The following TMOD2 variants were observed in gnomAD, a reference collection of about 807,000 sequenced individuals.
The protein encoded by TMOD2 is tropomodulin-2.
In TMOD2, 22 loss-of-function variants were observed where a neutral mutation model predicts 39.9. The ratio of observed to expected loss-of-function variants is 0.55; its 90% CI spans 0.39 to 0.79. TMOD2 has a LOEUF of 0.79. TMOD2 is among the 30% of genes least tolerant of loss of function. The pLI, the probability that TMOD2 is intolerant of heterozygous loss-of-function variation, is 0.00. For synonymous variants in TMOD2, 123 were observed against 146.1 expected (o/e 0.84, Z 1.14); for missense variants, 386 against 413.3 (o/e 0.93, Z 0.57).
chr15:51,785,518 C>T (rs934864628), intron 7 of TMOD2, among the ~76,000 whole-genome samples: 7 of 150,722 alleles, frequency 4.6e-5, no homozygotes, highest in African/African-American at 1.7e-4. Context: ...CTGTCATTTT[C>T]AGCACCATGG....
chr15:51,773,533 C>G (rs942780381), intron 3 of TMOD2, among the ~76,000 whole-genome samples, 179 bp from the exon 4 acceptor site: 4 of 152,154 alleles, frequency 2.6e-5, no homozygotes, highest in African/African-American at 9.7e-5. Flanking sequence ...AGTGTTCCTT[C>G]CCTCTGACAG....
chr15:51,779,213 C>G (rs2055912733), intron 5 of TMOD2, among the ~76,000 whole-genome samples: 1 of 152,138 alleles, frequency 6.6e-6, no homozygotes, highest in Non-Finnish European at 1.5e-5. Flanking sequence ...AAATGCTCAT[C>G]CTTTTTAGCT....
chr15:51,803,110 G>C (rs2056100276), intron 8 of TMOD2, among the ~76,000 whole-genome samples: 1 of 150,890 alleles, frequency 6.6e-6, no homozygotes, highest in South Asian at 2.1e-4. Context: ...TGAAATAAAA[G>C]ATGGTGGGAT....
At chr15:51,780,629 T>C (rs892737510) in intron 5 of TMOD2, among the ~76,000 whole-genome samples, 1 of 152,200 alleles carries the variant, frequency 6.6e-6, no homozygotes, top group African/African-American at 2.4e-5. Flanking sequence ...TAGGGTATAA[T>C]CAAGAGGCCA....
At chr15:51,773,645 C>G in intron 3 of TMOD2, 67 bp from the exon 4 acceptor site, 1 of 1,487,654 alleles carries the variant, frequency 6.7e-7, no homozygotes, top group Non-Finnish European at 9.0e-7. Context: ...GCATTCTCTG[C>G]TCAGTCTACT....
intron 4 of TMOD2, among the ~76,000 whole-genome samples, chr15:51,775,940 A>G (rs2055885973): frequency 6.6e-6 from 1 of 152,212 alleles, no homozygotes; most frequent in Admixed American, 6.5e-5. Flanking sequence ...TGCCTGACAC[A>G]TAGAAAGTCA....
At chr15:51,807,586 A>G (rs2056129259) in intron 9 of TMOD2, among the ~76,000 whole-genome samples, 1 of 152,146 alleles carries the variant, frequency 6.6e-6, no homozygotes, top group South Asian at 2.1e-4. Context: ...TTGGGTCCAC[A>G]ACCAAACAAT....
chr15:51,781,990 C>CT (rs1202129000), intron 6 of TMOD2, among the ~76,000 whole-genome samples: 13 of 152,192 alleles, frequency 8.5e-5, no homozygotes, highest in Non-Finnish European at 1.8e-4. Flanking sequence ...ATTAGTTGGA[C>CT]TTAAAGAGTT....
intron 3 of TMOD2, among the ~76,000 whole-genome samples, chr15:51,771,923 A>G (rs1003542457): frequency 6.6e-6 from 1 of 152,194 alleles, no homozygotes; most frequent in Non-Finnish European, 1.5e-5. Flanking sequence ...AGGAAGTAGG[A>G]TGCATGTCAG....
At chr15:51,763,700 C>T (rs1455928541) in intron 1 of TMOD2, among the ~76,000 whole-genome samples, 1 of 152,134 alleles carries the variant, frequency 6.6e-6, no homozygotes, top group Non-Finnish European at 1.5e-5. Flanking sequence ...CACAGTTGTC[C>T]CTGGGATTTC....
intron 6 of TMOD2, 126 bp downstream of exon 6, chr15:51,781,300 G>A: frequency 2.5e-6 from 2 of 811,472 alleles, no homozygotes; most frequent in Non-Finnish European, 3.7e-6. Context: ...TGGAGTCAAG[G>A]TATCCTATTC....
At chr15:51,768,115 A>G (rs2055828053) in intron 2 of TMOD2, 147 bp from the exon 3 acceptor site, 4 of 878,434 alleles carry the variant, frequency 4.6e-6, no homozygotes, top group East Asian at 2.6e-5. Flanking sequence ...GAGGCGTCCC[A>G]GAGCCCCCAG....
chr15:51,758,525 T>C (rs2055758194), intron 1 of TMOD2, among the ~76,000 whole-genome samples: 1 of 152,230 alleles, frequency 6.6e-6, no homozygotes, highest in Admixed American at 6.5e-5. Context: ...ACTCATTTCT[T>C]TCACATGACA....
At chr15:51,763,638 G>T (rs1168821586) in intron 1 of TMOD2, among the ~76,000 whole-genome samples, 1 of 152,206 alleles carries the variant, frequency 6.6e-6, no homozygotes, top group East Asian at 1.9e-4. Flanking sequence ...AAACATACCT[G>T]CATTGTCACC....
At chr15:51,764,265 C>T (rs529892890) in intron 1 of TMOD2, among the ~76,000 whole-genome samples, 7 of 152,118 alleles carry the variant, frequency 4.6e-5, no homozygotes, top group African/African-American at 1.4e-4. Flanking sequence ...TGCAGTGAGC[C>T]GAGATGGTAC....
At chr15:51,803,250 G>A (rs899974971) in intron 8 of TMOD2, among the ~76,000 whole-genome samples, 3 of 144,854 alleles carry the variant, frequency 2.1e-5, no homozygotes. Flanking sequence ...GCGCCATCTC[G>A]GCTCACTGCA....
Position 51,782,815 on chromosome 15 carries a change from A to C in TMOD2, c.719A>C (p.Asp240Ala). 6.2e-7 allele frequency: 1 copy of C among 1,613,782 alleles called. No homozygotes were observed. Among genetic ancestry groups the C allele is most frequent in the Non-Finnish European group, 8.5e-7 (1 of 1,179,716 alleles). The change falls in exon 7 of 10, where the codon GAC (aspartate) becomes GCC (alanine). Residue 240 changes from aspartate to alanine, a missense_variant. Asp to Ala is a moderately radical substitution (Grantham distance 126, BLOSUM62 -2). Coordinates refer to ENST00000249700, the MANE Select transcript of TMOD2 (RefSeq NM_014548.4). Reference protein sequence around the residue: ...KFSLAATRSNDPVAIAFADML... With the variant: ...KFSLAATRSNAPVAIAFADML... ...AGCCTGGCCGCAACTCGCAGCAATG[A>C]CCCTGTGGCCATTGTGAGTAAAATT...
At position 51,812,466 on chromosome 15, in the gene TMOD2, C is replaced by T. The variant is rs1289121612; in HGVS notation, c.*4012C>T. On this transcript the variant is annotated 3_prime_UTR_variant, in exon 10 of 10. Coordinates refer to ENST00000249700, the MANE Select transcript of TMOD2 (RefSeq NM_014548.4). ...AAGATAGCCCTTTGGAATTTACAAA[C>T]ACATGTGCAGCTATTTCCTTCTTCA... 1 of 152,224 alleles carries T rather than the reference C, an allele frequency of 6.6e-6. No individual in the cohort carries two copies. The highest frequency in any genetic ancestry group is 1.5e-5 in the Non-Finnish European group (1 of 68,044). The allele number at this position is 152,224 out of a possible 1,614,324, so 9.4% of individuals were successfully genotyped here.
chr15:51,778,548 G>A (rs1442575407), intron 5 of TMOD2, among the ~76,000 whole-genome samples: 1 of 148,776 alleles, frequency 6.7e-6, no homozygotes, highest in Non-Finnish European at 1.5e-5. Context: ...CCCTGCCCAA[G>A]GGAATTTATC....
Sources: allele counts gnomAD v4.1 joint callset (sites outside exome capture counted in the v4.1 genomes callset), GRCh38; gene constraint gnomAD v4.1.1; transcripts MANE v1.5; gene names NCBI Gene and HGNC (gene_info 2026-07-23, HGNC 2026-07-21).